CERS3: variants seen among roughly 807,000 people sequenced by gnomAD.
CERS3 encodes ceramide synthase 3, also known as LAG1 homolog, ceramide synthase 3.
In CERS3, 33 loss-of-function variants were observed where a neutral mutation model predicts 50.3. That is an observed-to-expected ratio of 0.66 (90% CI 0.50 to 0.88). The LOEUF (loss-of-function observed/expected upper bound fraction) is 0.88, where lower values mean the gene tolerates loss of function less well. Ranked by LOEUF, CERS3 falls within the 40% of genes least tolerant of loss-of-function variation. The pLI, the probability that CERS3 is intolerant of heterozygous loss-of-function variation, is 0.00. For missense variants in CERS3, 470 were observed against 460.3 expected (o/e 1.02, Z -0.19); for synonymous variants, 176 against 155.2 (o/e 1.13, Z -0.99).
intron 1 of CERS3, among the ~76,000 whole-genome samples, chr15:100,524,229 G>A (rs895205962): frequency 6.6e-6 from 1 of 152,128 alleles, no homozygotes; most frequent in Non-Finnish European, 1.5e-5. Context: ...TATAAGTATT[G>A]TTTTATGAAA....
chr15:100,438,804 C>T (rs1261043371), intron 11 of CERS3, among the ~76,000 whole-genome samples: 2 of 152,242 alleles, frequency 1.3e-5, no homozygotes, highest in Non-Finnish European at 2.9e-5. Flanking sequence ...CCCCGCACGT[C>T]TTGACTACTC....
intron 11 of CERS3, among the ~76,000 whole-genome samples, chr15:100,443,126 C>T (rs1380780389): frequency 6.6e-6 from 1 of 151,636 alleles, no homozygotes; most frequent in African/African-American, 2.4e-5. Flanking sequence ...TACTGCCCTT[C>T]TTCCCAATCC....
In CERS3 at chr15:100,427,700, C is replaced by A. The variant is rs186430331; in HGVS notation, c.1000-24835G>T. On this transcript the variant is annotated intron_variant, in intron 11 of 11. Coordinates refer to ENST00000679737, the MANE Select transcript of CERS3 (RefSeq NM_001378789.1). ...TGGGAAGTACTGTCCCAGACTCTGA[C>A]TACAAAGCCGAATGAAATTTTTCAA... is the stretch of plus-strand genomic sequence containing the variant. Among the ~76,000 whole-genome samples, 896 of 152,322 alleles carry A rather than the reference C, an allele frequency of 5.9e-3. 7 individuals carry two copies. The highest frequency in any genetic ancestry group is 8.3e-3 in the Non-Finnish European group (564 of 68,026).
chr15:100,535,384 A>T (rs1249811080), intron 1 of CERS3, among the ~76,000 whole-genome samples: 1 of 152,236 alleles, frequency 6.6e-6, no homozygotes. Context: ...ACCATGTGCC[A>T]GGCACATCAC....
chr15:100,520,710 C>T (rs1176850683), intron 2 of CERS3, among the ~76,000 whole-genome samples: 1 of 152,086 alleles, frequency 6.6e-6, no homozygotes, highest in East Asian at 1.9e-4. Flanking sequence ...ATGACAGGCC[C>T]AAGGCAGAGT....
At chr15:100,405,747 G>T (rs574615939) in intron 11 of CERS3, among the ~76,000 whole-genome samples, 1 of 152,262 alleles carries the variant, frequency 6.6e-6, no homozygotes, top group Admixed American at 6.5e-5. Context: ...TGATTATGGG[G>T]ATGGCTGCAC....
At chr15:100,534,563 C>G (rs902130331) in intron 1 of CERS3, among the ~76,000 whole-genome samples, 2 of 150,868 alleles carry the variant, frequency 1.3e-5, no homozygotes, top group Admixed American at 6.6e-5. Context: ...TCGCTTAGGG[C>G]AAACCTGCCT....
Position 100,417,950 on chromosome 15 carries a change from C to A in CERS3, c.1000-15085G>T, listed in dbSNP as rs1326852799. On this transcript the variant is annotated intron_variant, in intron 11 of 11. Coordinates refer to ENST00000679737, the MANE Select transcript of CERS3 (RefSeq NM_001378789.1). ...ATCTGTACATCACCATCATCAAAGA[C>A]CAAAAGTAGATAAAACCACAAAGAT... Among the ~76,000 whole-genome samples the A allele has an allele frequency of 3.3e-5, 5 of 152,018 alleles. No individual in the cohort carries two copies. In the East Asian group the frequency reaches 9.6e-4, roughly 29 times the overall value.
intron 3 of CERS3, among the ~76,000 whole-genome samples, chr15:100,501,277 G>C (rs561166746): frequency 6.6e-6 from 1 of 152,230 alleles, no homozygotes; most frequent in South Asian, 2.1e-4. Context: ...ATAGGCACTT[G>C]AGGATGCTAA....
chr15:100,478,735 C>T (rs2035212879), intron 7 of CERS3, among the ~76,000 whole-genome samples: 1 of 151,862 alleles, frequency 6.6e-6, no homozygotes, highest in Admixed American at 6.6e-5. Flanking sequence ...AAGTCAAAGG[C>T]AGTATAACAT....
chr15:100,525,255 A>G (rs573891813), intron 1 of CERS3, among the ~76,000 whole-genome samples: 122 of 152,334 alleles, frequency 8.0e-4, no homozygotes, highest in African/African-American at 2.8e-3. Context: ...TAAAGAGGAA[A>G]CTTTCCATTA....
chr15:100,536,787 C>T (rs1029120783), intron 1 of CERS3, among the ~76,000 whole-genome samples: 1 of 152,094 alleles, frequency 6.6e-6, no homozygotes, highest in African/African-American at 2.4e-5. Context: ...GTTCCATGTG[C>T]TTTGAATATA....
intron 11 of CERS3, among the ~76,000 whole-genome samples, chr15:100,410,323 A>T (rs2031381009): frequency 6.6e-6 from 1 of 152,162 alleles, no homozygotes; most frequent in Non-Finnish European, 1.5e-5. Context: ...GTACTGACAA[A>T]TATTATCAGC....
chr15:100,465,982 A>G (rs2034701857), intron 10 of CERS3, among the ~76,000 whole-genome samples: 1 of 152,094 alleles, frequency 6.6e-6, no homozygotes, highest in Non-Finnish European at 1.5e-5. Flanking sequence ...TTTACAGTCA[A>G]GTCTGTTCAT....
At chr15:100,506,661 A>T (rs1025626962) in intron 2 of CERS3, among the ~76,000 whole-genome samples, 1 of 152,228 alleles carries the variant, frequency 6.6e-6, no homozygotes, top group Non-Finnish European at 1.5e-5. Context: ...TCTTGAAAAG[A>T]TGATGCTAAG....
intron 11 of CERS3, among the ~76,000 whole-genome samples, chr15:100,418,362 G>A (rs944497222): frequency 4.6e-5 from 7 of 151,748 alleles, no homozygotes; most frequent in African/African-American, 9.7e-5. Context: ...GAAATGAAGC[G>A]AGAAGGGAAG....
chr15:100,470,234 C>G (rs931000866), intron 9 of CERS3, among the ~76,000 whole-genome samples: 1 of 151,976 alleles, frequency 6.6e-6, no homozygotes, highest in African/African-American at 2.4e-5. Flanking sequence ...TGCTGGGGCA[C>G]AGATCACTCT....
intron 11 of CERS3, among the ~76,000 whole-genome samples, chr15:100,412,185 G>C (rs73470762): frequency 1.3e-5 from 2 of 151,684 alleles, no homozygotes; most frequent in African/African-American, 4.8e-5. Flanking sequence ...TAAATTATTT[G>C]CCCTATGTTT....
chr15:100,542,412 C>G (rs2037222475), intron 1 of CERS3, among the ~76,000 whole-genome samples: 1 of 152,182 alleles, frequency 6.6e-6, no homozygotes, highest in African/African-American at 2.4e-5. Context: ...AATAATGGCT[C>G]ATGGCTTCCA....
Sources: allele counts gnomAD v4.1 joint callset (sites outside exome capture counted in the v4.1 genomes callset), GRCh38; gene constraint gnomAD v4.1.1; transcripts MANE v1.5; gene names NCBI Gene and HGNC (gene_info 2026-07-23, HGNC 2026-07-21).